The following TXLNB variants were observed in gnomAD, a reference collection of about 807,000 sequenced individuals.
TXLNB encodes the protein beta-taxilin.
In TXLNB, 37 loss-of-function variants were observed where a neutral mutation model predicts 57.4. That is an observed-to-expected ratio of 0.64 (90% confidence interval 0.50 to 0.85). TXLNB has a LOEUF of 0.85. Ranked by LOEUF, TXLNB falls within the 40% of genes least tolerant of loss-of-function variation. The pLI, the probability that TXLNB is intolerant of heterozygous loss-of-function variation, is 0.00. For synonymous variants in TXLNB, 302 were observed against 309.6 expected (o/e 0.98, Z 0.26); for missense variants, 848 against 825.6 (o/e 1.03, Z -0.33).
the TXLNB span, among the ~76,000 whole-genome samples, chr6:139,231,256 T>C: frequency 1.3e-5 from 2 of 152,142 alleles, no homozygotes; most frequent in South Asian, 4.1e-4. Context: ...TTCCTTCTTG[T>C]TTTTTAGTTG....
chr6:139,254,568 C>A (rs1235475521), intron 7 of TXLNB, among the ~76,000 whole-genome samples: 1 of 152,120 alleles, frequency 6.6e-6, no homozygotes, highest in Non-Finnish European at 1.5e-5. Context: ...CAGGCAGAGC[C>A]CCAGGTAGGG....
chr6:139,306,249 C>A, the TXLNB span, among the ~76,000 whole-genome samples: 105 of 152,310 alleles, frequency 6.9e-4, 1 homozygote, highest in South Asian at 0.022. Flanking sequence ...TGTCTCCTTC[C>A]AGTCCTACTG....
the TXLNB span, chr6:139,182,880 A>C: frequency 6.6e-6 from 1 of 152,256 alleles, no homozygotes; most frequent in African/African-American, 2.4e-5. Context: ...TACATTCATC[A>C]GTGTTCAAAT....
the TXLNB span, among the ~76,000 whole-genome samples, chr6:139,211,789 C>T: frequency 2.0e-5 from 3 of 152,084 alleles, no homozygotes; most frequent in African/African-American, 7.2e-5. Context: ...CTTAAAGGAC[C>T]TAATGGAGCT....
chr6:139,212,849 C>T, the TXLNB span, among the ~76,000 whole-genome samples: 1 of 152,162 alleles, frequency 6.6e-6, no homozygotes, highest in East Asian at 1.9e-4. Flanking sequence ...ATAAAACAGA[C>T]TCTAAACCAA....
At position 139,285,864 on chromosome 6, in the gene TXLNB, T is replaced by C. The variant is rs928334181; in HGVS notation, c.424+2612A>G. On this transcript the variant is annotated intron_variant, in intron 2 of 9. Transcript: ENST00000358430. ...GGGCTGCATAATGGGAAATCTGTTTTCATTTCTTTCATTTCAGATGCCAAG... is the reference window on the plus strand; with the variant it reads ...GGGCTGCATAATGGGAAATCTGTTTCCATTTCTTTCATTTCAGATGCCAAG... Among the ~76,000 whole-genome samples, 7 of 145,512 alleles carry C rather than the reference T, an allele frequency of 4.8e-5. 1 individual carries two copies. The highest frequency in any genetic ancestry group is 1.5e-4 in the African/African-American group (6 of 39,532).
intron 7 of TXLNB, 184 bp downstream of exon 7, chr6:139,255,380 T>C (rs936200750): frequency 2.4e-5 from 16 of 666,798 alleles, no homozygotes; most frequent in South Asian, 1.7e-4. Flanking sequence ...TTTTCATAGA[T>C]ATAATATTGT....
At chr6:139,174,236 T>A in the TXLNB span, 1 of 815,428 alleles carries the variant, frequency 1.2e-6, no homozygotes. Context: ...AAAGGACAGC[T>A]TGTGTACTAA....
At chr6:139,253,168 G>A (rs1351869093) in intron 7 of TXLNB, among the ~76,000 whole-genome samples, 2 of 152,106 alleles carry the variant, frequency 1.3e-5, no homozygotes, top group Admixed American at 6.5e-5. Flanking sequence ...ACCATGCCTA[G>A]CACTTAGTAG....
chr6:139,230,180 G>C, the TXLNB span, among the ~76,000 whole-genome samples: 2 of 152,118 alleles, frequency 1.3e-5, no homozygotes, highest in Admixed American at 1.3e-4. Flanking sequence ...TCTAATAATG[G>C]GCAAGGGAGA....
chr6:139,235,152 C>T (rs888682659), downstream of TXLNB, among the ~76,000 whole-genome samples: 31 of 152,142 alleles, frequency 2.0e-4, no homozygotes, highest in East Asian at 3.9e-4. Flanking sequence ...TGAGGACAGG[C>T]GCTCCTGTTT....
chr6:139,172,031 A>C, the TXLNB span, among the ~76,000 whole-genome samples: 1 of 152,034 alleles, frequency 6.6e-6, no homozygotes. Context: ...GGGTTTCACC[A>C]TGTTGGCCAG....
At chr6:139,211,715 G>C in the TXLNB span, among the ~76,000 whole-genome samples, 1 of 152,170 alleles carries the variant, frequency 6.6e-6, no homozygotes, top group Admixed American at 6.5e-5. Flanking sequence ...CAATGGCAAA[G>C]AAGTTAAAAA....
the TXLNB span, among the ~76,000 whole-genome samples, chr6:139,162,703 G>A: frequency 1.3e-5 from 2 of 152,194 alleles, no homozygotes; most frequent in South Asian, 2.1e-4. Context: ...ACTAATATTT[G>A]TATAGGCTTT....
downstream of TXLNB, among the ~76,000 whole-genome samples, chr6:139,238,070 A>C (rs553283440): frequency 2.0e-5 from 3 of 152,162 alleles, no homozygotes; most frequent in Non-Finnish European, 4.4e-5. Context: ...TGTTCTTGTC[A>C]GGAAAGATAA....
chr6:139,269,737 C>T (rs1471776957), intron 4 of TXLNB, among the ~76,000 whole-genome samples: 1 of 152,184 alleles, frequency 6.6e-6, no homozygotes, highest in Non-Finnish European at 1.5e-5. Flanking sequence ...TTAGGATCTT[C>T]AGCTGGAAAG....
chr6:139,249,197 G>A (rs568294216), intron 7 of TXLNB, among the ~76,000 whole-genome samples: 1 of 152,360 alleles, frequency 6.6e-6, no homozygotes, highest in South Asian at 2.1e-4. Context: ...GCAACACAGG[G>A]AAGGAGAGTG....
chr6:139,196,029 C>T, the TXLNB span, among the ~76,000 whole-genome samples: 4 of 151,888 alleles, frequency 2.6e-5, no homozygotes, highest in Non-Finnish European at 5.9e-5. Context: ...GACACCAGAC[C>T]TCAAAAATAA....
chr6:139,278,780 C>T (rs138846957), intron 2 of TXLNB, among the ~76,000 whole-genome samples: 5,096 of 152,236 alleles, frequency 0.033, 193 homozygotes, highest in African/African-American at 0.098. Flanking sequence ...CTAAGGCGGG[C>T]GGATCACGAG....
Sources: allele counts gnomAD v4.1 joint callset (sites outside exome capture counted in the v4.1 genomes callset), GRCh38; gene constraint gnomAD v4.1.1; transcripts MANE v1.5; gene names NCBI Gene and HGNC (gene_info 2026-07-23, HGNC 2026-07-21).